The following COLEC11 variants were observed in gnomAD, a reference collection of about 807,000 sequenced individuals.
COLEC11 encodes collectin-11.
Under a neutral mutation model 27.3 loss-of-function variants are expected in COLEC11, and 20 were observed. The ratio of observed to expected loss-of-function variants is 0.73; its 90% confidence interval spans 0.51 to 1.06. COLEC11 has a LOEUF of 1.06. Ranked by LOEUF, COLEC11 falls within the 50% of genes least tolerant of loss-of-function variation. The probability of loss-of-function intolerance (pLI) is 0.00; values close to 1 mark genes in which losing one functional copy is unlikely to be tolerated. For missense variants in COLEC11, 310 were observed against 383.0 expected (o/e 0.81, Z 1.59); for synonymous variants, 163 against 154.7 (o/e 1.05, Z -0.40).
chr2:3,598,155 C>T (rs994046005), intron 1 of COLEC11, among the ~76,000 whole-genome samples: 3 of 152,048 alleles, frequency 2.0e-5, no homozygotes, highest in African/African-American at 4.8e-5. Context: ...AGGCTGGTCT[C>T]GAACTCCTGA....
intron 1 of COLEC11, among the ~76,000 whole-genome samples, chr2:3,599,402 T>C (rs371659841): frequency 6.6e-6 from 1 of 152,196 alleles, no homozygotes; most frequent in Non-Finnish European, 1.5e-5. Flanking sequence ...AGAGGCACTG[T>C]GCGGGGGACA....
At chr2:3,596,756 C>T (rs935532698) in intron 1 of COLEC11, among the ~76,000 whole-genome samples, 2 of 152,204 alleles carry the variant, frequency 1.3e-5, no homozygotes, top group African/African-American at 4.8e-5. Flanking sequence ...GTCTTGGGCC[C>T]TGGCTGGGAG....
chr2:3,600,128 G>T (rs1662113052), intron 1 of COLEC11, among the ~76,000 whole-genome samples: 1 of 151,836 alleles, frequency 6.6e-6, no homozygotes, highest in African/African-American at 2.4e-5. Flanking sequence ...CCAGCTACTT[G>T]CGAAGCTGAG....
intron 2 of COLEC11, chr2:3,605,213 T>C (rs1662551447): frequency 1.2e-5 from 5 of 421,862 alleles, no homozygotes; most frequent in South Asian, 7.0e-5. Context: ...GACAGCAGAG[T>C]GTGTGCCAGT....
At position 3,643,983 on chromosome 2, in the gene COLEC11, G is replaced by C; in HGVS notation, c.681G>C (p.Lys227Asn). Residue 227 changes from lysine to asparagine, a missense_variant, in exon 7 of 7, where the codon AAG (lysine) becomes AAC (asparagine). Transcript: ENST00000349077. ...ACTCCCCCATGCGGACCTTCAACAA[G>C]TGGCGCAGCGGTGAGCCCAACAATG... ...SDHSPMRTFN[K>N]WRSGEPNNAY... 6.2e-7 allele frequency: 1 copy of C among 1,614,168 alleles called. No homozygotes were observed. Among genetic ancestry groups the C allele is most frequent in the South Asian group, 1.1e-5 (1 of 91,092 alleles).
chr2:3,609,786 TC>T (rs1313324060), intron 2 of COLEC11, among the ~76,000 whole-genome samples: 3 of 152,156 alleles, frequency 2.0e-5, no homozygotes, highest in African/African-American at 7.2e-5. Flanking sequence ...CGCCTTGGGC[TC>T]CCAAAATGCT....
At chr2:3,620,393 T>C (rs968939357) in intron 3 of COLEC11, among the ~76,000 whole-genome samples, 1 of 152,222 alleles carries the variant, frequency 6.6e-6, no homozygotes, top group African/African-American at 2.4e-5. Flanking sequence ...GTGGTATCAG[T>C]TGTAATTTCT....
chr2:3,598,619 C>T (rs1662019466), intron 1 of COLEC11, among the ~76,000 whole-genome samples: 1 of 152,044 alleles, frequency 6.6e-6, no homozygotes, highest in African/African-American at 2.4e-5. Flanking sequence ...TTTTCGGTTG[C>T]CCTTATTGTT....
At chr2:3,613,431 C>T (rs72769325) in intron 3 of COLEC11, 49 bp downstream of exon 3, 18,964 of 1,542,500 alleles carry the variant, frequency 0.012, 181 homozygotes, top group Middle Eastern at 0.025. Flanking sequence ...ATGGAGGCAC[C>T]GCTCCTGCTA....
intron 3 of COLEC11, among the ~76,000 whole-genome samples, chr2:3,618,300 A>G (rs989480693): frequency 2.0e-5 from 3 of 152,120 alleles, no homozygotes; most frequent in African/African-American, 7.2e-5. Context: ...TTTCCCTTAC[A>G]TTTTCTTTTA....
At chr2:3,631,465 C>G (rs1279643233) in intron 3 of COLEC11, among the ~76,000 whole-genome samples, 4 of 152,134 alleles carry the variant, frequency 2.6e-5, no homozygotes, top group Non-Finnish European at 5.9e-5. Context: ...TGTTTCTCCA[C>G]CCCCAGGCCC....
intron 2 of COLEC11, 40 bp downstream of exon 2, chr2:3,604,510 T>C (rs775483481): frequency 3.1e-6 from 5 of 1,609,014 alleles, no homozygotes; most frequent in Non-Finnish European, 3.4e-6. Flanking sequence ...GGCAGTGGCC[T>C]CCGGGCCAGC....
In COLEC11 at chr2:3,604,294, T is replaced by C. The variant is rs528055182; in HGVS notation, c.-26-21T>C. 3 of 1,612,090 alleles carry C rather than the reference T, an allele frequency of 1.9e-6. No individual in the cohort carries two copies. The African/African-American group carries it at 4.1e-5, about 22-fold the overall frequency. ...CCGGCTGTTGCAGTTCCCATCACTGTTTATTCCTTCCTCTGTGTAGGAGTT... is the reference window on the plus strand; with the variant it reads ...CCGGCTGTTGCAGTTCCCATCACTGCTTATTCCTTCCTCTGTGTAGGAGTT... On this transcript the variant is annotated intron_variant, in intron 1 of 6. Transcript: ENST00000349077.
intron 1 of COLEC11, among the ~76,000 whole-genome samples, chr2:3,601,651 C>G (rs12990669): frequency 0.063 from 9,537 of 152,252 alleles, 406 homozygotes; most frequent in Non-Finnish European, 0.092. Context: ...TGAGAGACGG[C>G]TTCAGCTTTA....
rs1263849190 is a variant in COLEC11, at chr2:3,604,485, G to A, written c.130+15G>A. On this transcript the variant is annotated intron_variant, in intron 2 of 6. Coordinates refer to ENST00000349077, the MANE Select transcript of COLEC11 (RefSeq NM_024027.5). ...TGGCCTCAAAGGTAACCGCTCCCTGGACTCTGGGCTGCTGGGCAGTGGCCT... is the reference window on the plus strand; with the variant it reads ...TGGCCTCAAAGGTAACCGCTCCCTGAACTCTGGGCTGCTGGGCAGTGGCCT... The A allele has an allele frequency of 6.2e-7, 1 of 1,613,518 alleles. No individual in the cohort carries two copies. Among genetic ancestry groups the A allele is most frequent in the Admixed American group, 1.7e-5 (1 of 60,006 alleles).
At chr2:3,601,748 C>A (rs534122319) in intron 1 of COLEC11, among the ~76,000 whole-genome samples, 1 of 152,218 alleles carries the variant, frequency 6.6e-6, no homozygotes, top group South Asian at 2.1e-4. Flanking sequence ...CAAGCCCTGG[C>A]TCCGCCCTAA....
At chr2:3,642,540 C>T (rs1051367357) in intron 5 of COLEC11, among the ~76,000 whole-genome samples, 42 of 152,108 alleles carry the variant, frequency 2.8e-4, no homozygotes, top group African/African-American at 3.1e-4. Flanking sequence ...CTTTCACCAC[C>T]GTTTCAATAT....
rs767209845 is a variant in COLEC11 at position 3,643,786 on chromosome 2, C to T, written c.484C>T (p.Arg162Cys). ...KIYLLVKEEK[R>C]YADAQLSCQG... Reference sequence around the variant, plus strand: ...CTACCTGCTGGTGAAGGAGGAGAAGCGCTACGCGGACGCCCAGCTGTCCTG... The same window carrying T: ...CTACCTGCTGGTGAAGGAGGAGAAGTGCTACGCGGACGCCCAGCTGTCCTG... Residue 162 changes from arginine (R) to cysteine (C), a missense_variant, in exon 7 of 7, where the codon CGC becomes TGC. Transcript: ENST00000349077. 2.5e-5 allele frequency: 40 copies of T among 1,613,482 alleles called. No individual in the cohort carries two copies. The highest frequency in any genetic ancestry group is 2.0e-4 in the East Asian group (9 of 44,894).
chr2:3,609,124 G>A (rs989359792), intron 2 of COLEC11, among the ~76,000 whole-genome samples: 1 of 152,236 alleles, frequency 6.6e-6, no homozygotes, highest in African/African-American at 2.4e-5. Context: ...GGTCCATTAA[G>A]CAGAGCCCTT....
Sources: gnomAD v4.1 joint callset for allele counts (sites outside exome capture counted in the v4.1 genomes callset) on GRCh38, gnomAD v4.1.1 for gene constraint, MANE v1.5 for transcripts, NCBI Gene and HGNC (gene_info 2026-07-23, HGNC 2026-07-21) for gene names.